The following NUP98 variants were observed in gnomAD, a reference collection of about 807,000 sequenced individuals.
NUP98 encodes nuclear pore complex protein Nup98-Nup96.
NUP98 carries 26 observed loss-of-function variants against 191.9 expected under a neutral mutation model. That is an observed-to-expected ratio of 0.14 (90% CI 0.10 to 0.19). NUP98 has a LOEUF of 0.19. NUP98 is among the 10% of genes least tolerant of loss of function. The probability of loss-of-function intolerance (pLI) is 1.00; values close to 1 mark genes in which losing one functional copy is unlikely to be tolerated. For missense variants in NUP98, 1,941 were observed against 2,178.8 expected (o/e 0.89, Z 2.17); for synonymous variants, 808 against 778.4 (o/e 1.04, Z -0.63).
intron 11 of NUP98, among the ~76,000 whole-genome samples, chr11:3,751,490 T>A (rs2080750785): frequency 6.6e-6 from 1 of 152,162 alleles, no homozygotes; most frequent in Admixed American, 6.6e-5. Flanking sequence ...ACAACCCTAA[T>A]CATTTCACAG....
At chr11:3,756,150 T>C (rs1403528197) in intron 10 of NUP98, among the ~76,000 whole-genome samples, 1 of 152,176 alleles carries the variant, frequency 6.6e-6, no homozygotes, top group Admixed American at 6.5e-5. Context: ...CTTGGAGATA[T>C]TCTTTTCCTT....
At chr11:3,774,337 G>A (rs563191947) in intron 5 of NUP98, among the ~76,000 whole-genome samples, 38 of 152,294 alleles carry the variant, frequency 2.5e-4, no homozygotes, top group East Asian at 1.9e-4. Context: ...GCTTGAATCC[G>A]AGAAGCGGAG....
chr11:3,726,546 G>A (rs2134249981), intron 14 of NUP98, among the ~76,000 whole-genome samples: 1 of 148,176 alleles, frequency 6.7e-6, no homozygotes, highest in African/African-American at 2.5e-5. Context: ...AAAAAGACAA[G>A]GGTATTTTTA....
At chr11:3,722,431 ACTT>A (rs1473384954) in intron 16 of NUP98, among the ~76,000 whole-genome samples, 6 of 151,844 alleles carry the variant, frequency 4.0e-5, no homozygotes. Context: ...CAAAGTATAA[ACTT>A]CTTTCCTTAT....
chr11:3,697,904 C>G (rs1351213580), intron 25 of NUP98, among the ~76,000 whole-genome samples: 1 of 147,534 alleles, frequency 6.8e-6, no homozygotes, highest in African/African-American at 2.5e-5. Context: ...TGAAAGGGAA[C>G]TTAAAGAAGT....
At chr11:3,728,610 G>A (rs574591936) in intron 14 of NUP98, among the ~76,000 whole-genome samples, 1 of 152,132 alleles carries the variant, frequency 6.6e-6, no homozygotes, top group East Asian at 1.9e-4. Flanking sequence ...GTGGTGGTGG[G>A]CGCCTGTAGT....
rs779326707 is a variant in NUP98, at chr11:3,691,416, G to A, written c.4385C>T (p.Ala1462Val). 9 of 1,613,948 alleles carry A rather than the reference G, an allele frequency of 5.6e-6. No homozygotes were observed. The highest frequency in any genetic ancestry group is 3.3e-5 in the South Asian group (3 of 91,082). ...SYLEGSGCVI[A>V]EEQNSQTPLR... ...TGGTGTCTGTGAGTTTTGCTCCTCC[G>A]CTATCACACAGCCAGAACCCTCCAG... Residue 1462 changes from alanine to valine, a missense_variant, in exon 28 of 33, where the codon GCG becomes GTG. Ala to Val is a moderately conservative substitution (Grantham distance 64). This residue lies in a region of NUP98 where 1,030 missense variants were observed against 1,115.8 expected (regional missense o/e 0.92). Transcript: ENST00000324932.
intron 22 of NUP98, among the ~76,000 whole-genome samples, 175 bp from the exon 23 acceptor site, chr11:3,703,067 T>C (rs2078758922): frequency 6.6e-6 from 1 of 152,146 alleles, no homozygotes; most frequent in African/African-American, 2.4e-5. Context: ...AATTACTCTT[T>C]GAACTAGGAA....
chr11:3,694,539 G>A (rs2078439049), intron 26 of NUP98, among the ~76,000 whole-genome samples: 2 of 151,530 alleles, frequency 1.3e-5, no homozygotes, highest in African/African-American at 4.9e-5. Context: ...AGGAGACCGA[G>A]ACCATCCTGG....
chr11:3,750,985 A>C (rs1218444349), intron 11 of NUP98, among the ~76,000 whole-genome samples: 3 of 152,186 alleles, frequency 2.0e-5, no homozygotes, highest in Non-Finnish European at 4.4e-5. Flanking sequence ...ATTGCAGGCA[A>C]CTATATTAAT....
chr11:3,708,410 G>A (rs1167153297), intron 20 of NUP98, among the ~76,000 whole-genome samples: 12 of 152,090 alleles, frequency 7.9e-5, no homozygotes, highest in Non-Finnish European at 1.3e-4. Flanking sequence ...AGAGGATTTC[G>A]TTAAATAACC....
intron 1 of NUP98, among the ~76,000 whole-genome samples, chr11:3,796,068 G>C (rs757936515): frequency 2.6e-5 from 4 of 152,136 alleles, no homozygotes; most frequent in African/African-American, 7.2e-5. Context: ...CCTCCACCAG[G>C]TAAACATACT....
chr11:3,774,657 C>A (rs1253571221), intron 5 of NUP98, among the ~76,000 whole-genome samples: 1 of 151,708 alleles, frequency 6.6e-6, no homozygotes, highest in Non-Finnish European at 1.5e-5. Context: ...GCAGAGGTTG[C>A]AGTGAGCCAA....
intron 15 of NUP98, among the ~76,000 whole-genome samples, chr11:3,723,721 C>G (rs922826031): frequency 2.1e-5 from 3 of 140,964 alleles, no homozygotes; most frequent in Non-Finnish European, 4.7e-5. Context: ...TTACAATCAA[C>G]AAAATGTTAA....
chr11:3,786,193 TAG>T (rs1564930765), intron 1 of NUP98, among the ~76,000 whole-genome samples: 1 of 152,204 alleles, frequency 6.6e-6, no homozygotes, highest in Non-Finnish European at 1.5e-5. Flanking sequence ...CTAGAGCTCC[TAG>T]AGAAAGAACA....
chr11:3,722,796 G>C (rs944084591), intron 16 of NUP98, among the ~76,000 whole-genome samples: 3 of 152,128 alleles, frequency 2.0e-5, no homozygotes, highest in Admixed American at 2.0e-4. Flanking sequence ...CTGGGCGACA[G>C]AGCGACACTG....
intron 14 of NUP98, among the ~76,000 whole-genome samples, chr11:3,729,651 G>A (rs1589824536): frequency 7.0e-6 from 1 of 142,112 alleles, no homozygotes; most frequent in South Asian, 2.3e-4. Context: ...AGGGGTCGAA[G>A]GTGCAGTGAT....
In NUP98 at chr11:3,773,789, A is replaced by G. The variant is rs1208004475; in HGVS notation, c.496-50T>C. ...TTGTAGGTCCAAGTTTTACATTCCT[A>G]CTCTCTCAGATACAATTTCTCAACC... On this transcript the variant is annotated intron_variant, in intron 5 of 32. Coordinates refer to ENST00000324932, the MANE Select transcript of NUP98 (RefSeq NM_016320.5). 3 of 1,051,266 alleles carry G rather than the reference A, an allele frequency of 2.9e-6. No homozygotes were observed. The East Asian group carries it at 7.2e-5, about 25-fold the overall frequency. The allele number at this position is 1,051,266 out of a possible 1,614,324, so 65.1% of individuals were successfully genotyped here.
intron 25 of NUP98, among the ~76,000 whole-genome samples, chr11:3,697,821 A>G (rs1051767060): frequency 2.6e-4 from 2 of 7,636 alleles, no homozygotes; most frequent in African/African-American, 9.1e-4. Context: ...ACTCTGTCTT[A>G]AAAAAAAAAA....
Sources: allele counts gnomAD v4.1 joint callset (sites outside exome capture counted in the v4.1 genomes callset), GRCh38; gene constraint gnomAD v4.1.1; regional missense constraint gnomAD v4.1.1; transcripts MANE v1.5; gene names NCBI Gene and HGNC (gene_info 2026-07-23, HGNC 2026-07-21).